Variants in ARHGAP22 observed in about 807,000 individuals in gnomAD.
ARHGAP22 encodes the protein rho GTPase-activating protein 22.
A neutral mutation model predicts 59.1 loss-of-function variants in ARHGAP22; 48 were observed. The observed-to-expected ratio is 0.81, with a 90% CI of 0.64 to 1.03. The LOEUF (loss-of-function observed/expected upper bound fraction) is 1.03. ARHGAP22 is among the 50% of genes least tolerant of loss of function. The pLI is 0.00. For missense variants in ARHGAP22, 1,015 were observed against 958.7 expected, an observed-to-expected ratio of 1.06 and a Z score of -0.78; for synonymous variants, 445 against 416.4, an observed-to-expected ratio of 1.07 and a Z score of -0.84.
chr10:48,634,496 G>C (rs2061736813), intron 1 of ARHGAP22, among the ~76,000 whole-genome samples: 1 of 152,144 alleles, frequency 6.6e-6, no homozygotes, highest in African/African-American at 2.4e-5. Flanking sequence ...TAGGAAACTG[G>C]GTCTCTAAGA....
chr10:48,600,276 C>T lies in ARHGAP22; in HGVS notation c.34+4487G>A, dbSNP rs187715035. On this transcript the variant is annotated intron_variant, in intron 1 of 9. Transcript: ENST00000249601. ...TGTATTAACAGTGGAAAGTCATATC[C>T]TTGATTGCATTTATATAAAATTGAA... Among the ~76,000 whole-genome samples the T allele has an allele frequency of 1.6e-3, 245 of 152,218 alleles. 1 individual carries two copies. Among genetic ancestry groups the T allele is most frequent in the African/African-American group, 5.7e-3 (237 of 41,532 alleles).
intron 2 of ARHGAP22, among the ~76,000 whole-genome samples, chr10:48,578,050 C>T (rs997756045): frequency 9.2e-5 from 14 of 152,210 alleles, no homozygotes; most frequent in Non-Finnish European, 1.6e-4. Flanking sequence ...CTCAAATGAT[C>T]TGCCTGCCTT....
In ARHGAP22 at chr10:48,568,498, G is replaced by A. The variant is rs559039733; in HGVS notation, c.235-12948C>T. Among the ~76,000 whole-genome samples the A allele has an allele frequency of 1.7e-3, 265 of 152,366 alleles. 1 individual carries two copies. The highest frequency in any genetic ancestry group is 6.2e-3 in the African/African-American group (257 of 41,590). On this transcript the variant is annotated intron_variant, in intron 2 of 9. Transcript: ENST00000249601. ...TCCCTCTGGCTGCCCACGGCATTTG[G>A]TGGCTGCATAAGACACTGCAGTTGA...
downstream of ARHGAP22, among the ~76,000 whole-genome samples, chr10:48,441,790 T>C (rs905118272): frequency 1.5e-4 from 23 of 152,056 alleles, 1 homozygote; most frequent in Admixed American, 1.4e-3. Flanking sequence ...CCTGGAAAGG[T>C]TGGGGTCTAC....
chr10:48,586,891 C>A (rs1183197925), intron 1 of ARHGAP22, among the ~76,000 whole-genome samples: 1 of 152,176 alleles, frequency 6.6e-6, no homozygotes, highest in Non-Finnish European at 1.5e-5. Context: ...CCTGGAGACC[C>A]AGAGCTACTG....
chr10:48,626,988 T>A (rs79800741), intron 1 of ARHGAP22, among the ~76,000 whole-genome samples: 1 of 152,104 alleles, frequency 6.6e-6, no homozygotes, highest in South Asian at 2.1e-4. Flanking sequence ...CAATGACCAA[T>A]GATTTGATTA....
chr10:48,598,432 G>A (rs1423346335), intron 1 of ARHGAP22, among the ~76,000 whole-genome samples: 1 of 152,160 alleles, frequency 6.6e-6, no homozygotes, highest in African/African-American at 2.4e-5. Flanking sequence ...TGCAGGGCGG[G>A]GAGGTGCCAG....
At chr10:48,490,924 C>A (rs1174712332) in intron 3 of ARHGAP22, among the ~76,000 whole-genome samples, 1 of 152,216 alleles carries the variant, frequency 6.6e-6, no homozygotes, top group African/African-American at 2.4e-5. Context: ...CTCTCCTATC[C>A]ATTCCTCTCA....
chr10:48,614,190 G>A (rs1399582200), intron 1 of ARHGAP22, among the ~76,000 whole-genome samples: 1 of 152,228 alleles, frequency 6.6e-6, no homozygotes, highest in African/African-American at 2.4e-5. Context: ...AGAAAACCCT[G>A]GGGAATATGG....
intron 1 of ARHGAP22, among the ~76,000 whole-genome samples, chr10:48,647,385 C>A (rs539317448): frequency 1.3e-5 from 2 of 152,206 alleles, no homozygotes; most frequent in East Asian, 3.9e-4. Flanking sequence ...AAGAGCAAAA[C>A]TCAGTATCAA....
intron 4 of ARHGAP22, 108 bp from the exon 5 acceptor site, chr10:48,459,999 C>T: frequency 1.7e-6 from 2 of 1,155,164 alleles, no homozygotes; most frequent in African/African-American, 1.5e-5. Flanking sequence ...GGCTCCTCCT[C>T]AGGAAGCAAA....
downstream of ARHGAP22, among the ~76,000 whole-genome samples, chr10:48,443,465 G>A (rs1459319159): frequency 1.3e-5 from 2 of 152,190 alleles, no homozygotes; most frequent in East Asian, 1.9e-4. Flanking sequence ...CAAGTGTTGC[G>A]GGGCTTGCTT....
intron 3 of ARHGAP22, among the ~76,000 whole-genome samples, chr10:48,492,305 G>T (rs190402894): frequency 1.4e-3 from 206 of 152,176 alleles, no homozygotes; most frequent in African/African-American, 4.5e-3. Context: ...AGTGGCAGCA[G>T]CAATGTATGA....
chr10:48,451,776 A>C, intron 8 of ARHGAP22: 8 of 552,226 alleles, frequency 1.4e-5, no homozygotes, highest in East Asian at 3.3e-5. Context: ...CCAACACACA[A>C]TCGCACATAC....
intron 1 of ARHGAP22, among the ~76,000 whole-genome samples, chr10:48,627,582 G>C (rs2061494884): frequency 6.6e-6 from 1 of 152,248 alleles, no homozygotes; most frequent in Non-Finnish European, 1.5e-5. Flanking sequence ...GTTTGGGAGA[G>C]AGCCGGCGCT....
intron 4 of ARHGAP22, among the ~76,000 whole-genome samples, chr10:48,471,521 A>G (rs1019552649): frequency 7.2e-5 from 11 of 152,128 alleles, no homozygotes; most frequent in Non-Finnish European, 8.8e-5. Context: ...ACTCATAGAC[A>G]CCTCAAACCT....
At chr10:48,646,804 GTGTT>G (rs1214237359) in intron 1 of ARHGAP22, among the ~76,000 whole-genome samples, 37 of 152,184 alleles carry the variant, frequency 2.4e-4, no homozygotes, top group African/African-American at 8.7e-4. Flanking sequence ...ACAGGAGAAA[GTGTT>G]TGTGATGTTG....
At chr10:48,591,724 A>ATT (rs1285082019) in intron 1 of ARHGAP22, among the ~76,000 whole-genome samples, 1 of 152,158 alleles carries the variant, frequency 6.6e-6, no homozygotes, top group South Asian at 2.1e-4. Context: ...AAATACAAAA[A>ATT]TTTGCTGGGC....
chr10:48,498,073 G>A (rs187582483), intron 3 of ARHGAP22, among the ~76,000 whole-genome samples: 4 of 152,246 alleles, frequency 2.6e-5, no homozygotes, highest in South Asian at 4.2e-4. Context: ...GCCTCGGGCC[G>A]GTCCCCAACT....
Sources: gnomAD v4.1 joint callset for allele counts (sites outside exome capture counted in the v4.1 genomes callset) on GRCh38, gnomAD v4.1.1 for gene constraint, MANE v1.5 for transcripts, NCBI Gene and HGNC (gene_info 2026-07-23, HGNC 2026-07-21) for gene names.